Variants in FAM91A1 observed in about 807,000 individuals in gnomAD.
FAM91A1 encodes the protein protein FAM91A1.
Under a neutral mutation model 113.5 loss-of-function variants are expected in FAM91A1, and 41 were observed. That is an observed-to-expected ratio of 0.36 (90% CI 0.28 to 0.47). FAM91A1 has a LOEUF of 0.47. FAM91A1 is among the 20% of genes least tolerant of loss of function. FAM91A1 has a pLI of 1.00. For missense variants in FAM91A1, 696 were observed against 1,001.2 expected (o/e 0.70, Z 4.11); for synonymous variants, 307 against 347.9 (o/e 0.88, Z 1.31).
intron 23 of FAM91A1, chr8:123,810,685 G>T: frequency 6.1e-6 from 2 of 328,890 alleles, no homozygotes; most frequent in Non-Finnish European, 5.5e-6. Context: ...CCACTGCTGG[G>T]ATGGGCTGTC....
At chr8:123,782,524 CATT>C (rs1252258043) in intron 8 of FAM91A1, among the ~76,000 whole-genome samples, 2 of 152,022 alleles carry the variant, frequency 1.3e-5, no homozygotes, top group African/African-American at 4.8e-5. Context: ...AAATTTATTC[CATT>C]ATTCATCAAA....
At chr8:123,773,743 C>T (rs1036563328) in intron 1 of FAM91A1, among the ~76,000 whole-genome samples, 1 of 152,082 alleles carries the variant, frequency 6.6e-6, no homozygotes, top group Admixed American at 6.5e-5. Flanking sequence ...CTTAATATAG[C>T]AGTCAGGAAG....
At chr8:123,787,485 A>G (rs776039400) in intron 13 of FAM91A1, 112 bp downstream of exon 13, 8 of 1,036,348 alleles carry the variant, frequency 7.7e-6, no homozygotes, top group African/African-American at 6.4e-5. Flanking sequence ...CCGAAGCACA[A>G]CTGACTTAGA....
chr8:123,785,997 C>A, intron 11 of FAM91A1: 1 of 439,468 alleles, frequency 2.3e-6, no homozygotes, highest in Non-Finnish European at 4.4e-6. Flanking sequence ...TTTTGTGTTT[C>A]TGTTAGAGGT....
At position 123,785,745 on chromosome 8, in the gene FAM91A1, A is replaced by G; in HGVS notation, c.962+4A>G. On this transcript the variant is annotated splice_donor_region_variant and intron_variant, in intron 11 of 23. Transcript: ENST00000334705. ...TTCCATCCGTAAACAGATTAAAGTA[A>G]CTTAAATTTATTCAGTATGAGCTAT... 1.3e-6 allele frequency: 2 copies of G among 1,545,616 alleles called. No individual in the cohort carries two copies. Among genetic ancestry groups the G allele is most frequent in the Non-Finnish European group, 1.7e-6 (2 of 1,143,536 alleles).
At chr8:123,776,950 A>G (rs895546990) in intron 3 of FAM91A1, among the ~76,000 whole-genome samples, 12 of 152,160 alleles carry the variant, frequency 7.9e-5, no homozygotes, top group African/African-American at 2.9e-4. Context: ...TGAAATGTGG[A>G]GAGGCTGGAA....
chr8:123,778,796 A>G lies in FAM91A1; in HGVS notation c.549+24A>G, dbSNP rs748615277. On this transcript the variant is annotated intron_variant, in intron 6 of 23. Transcript: ENST00000334705. The stretch of plus-strand genomic sequence containing the variant: ...AGGTAGAAATCTTTAAAAGTTAAAC[A>G]TAGAATTTTTATTTTTTAGTTTATT... The G allele has an allele frequency of 5.2e-5, 71 of 1,364,664 alleles. 1 individual carries two copies. The South Asian group carries it at 8.2e-4, about 16-fold the overall frequency. 84.5% of individuals were successfully genotyped at this position (1,364,664 alleles called of 1,614,324 possible). A position where few individuals can be genotyped will look rare whatever the true frequency, so the allele number is the denominator to read the frequency against.
chr8:123,802,068 CT>C (rs1402127342), intron 18 of FAM91A1, among the ~76,000 whole-genome samples: 3 of 152,044 alleles, frequency 2.0e-5, no homozygotes, highest in African/African-American at 7.2e-5. Context: ...AGAAGTTGAC[CT>C]GTAGATTGAT....
At chr8:123,798,864 A>G (rs1815608768) in intron 16 of FAM91A1, among the ~76,000 whole-genome samples, 2 of 152,204 alleles carry the variant, frequency 1.3e-5, no homozygotes, top group Admixed American at 6.5e-5. Flanking sequence ...TAATTTGCCT[A>G]TGTTCTAGCT....
intron 1 of FAM91A1, among the ~76,000 whole-genome samples, chr8:123,770,045 T>C (rs1187823031): frequency 6.6e-6 from 1 of 152,126 alleles, no homozygotes; most frequent in Non-Finnish European, 1.5e-5. Context: ...CTCTGCTTCT[T>C]GGGTTCAAGC....
At chr8:123,785,912 G>A (rs955658551) in intron 11 of FAM91A1, 171 bp downstream of exon 11, 24 of 490,388 alleles carry the variant, frequency 4.9e-5, no homozygotes, top group Non-Finnish European at 8.2e-5. Flanking sequence ...CCACCTCCCC[G>A]TTTCAAGCGA....
chr8:123,774,723 T>C lies in FAM91A1; in HGVS notation c.158-424T>C, dbSNP rs537704127. Among the ~76,000 whole-genome samples the C allele has an allele frequency of 2.5e-4, 38 of 152,302 alleles. 1 individual carries two copies. The South Asian group carries it at 7.7e-3, about 31-fold the overall frequency. On this transcript the variant is annotated intron_variant, in intron 2 of 23. Transcript: ENST00000334705. ...TGACATTGTTTTTCTTCATGAACAT[T>C]TTCCATGAAAGTCAGAGGGCTTTTT...
rs537232453 is a variant in FAM91A1, at chr8:123,788,289, A to T, written c.1278+539A>T. On this transcript the variant is annotated intron_variant, in intron 14 of 23. Coordinates refer to ENST00000334705, the MANE Select transcript of FAM91A1 (RefSeq NM_144963.4). Reference sequence around the variant, plus strand: ...TTTTCCTTAGCTCTAAATAAATCTGATTGCCCTTTATTGGTGTTTTTCATT... The same window carrying T: ...TTTTCCTTAGCTCTAAATAAATCTGTTTGCCCTTTATTGGTGTTTTTCATT... 2.3e-5 allele frequency: 22 copies of T among 939,512 alleles called. No individual in the cohort carries two copies. In the Admixed American group the frequency reaches 4.3e-4, roughly 18 times the overall value. 58.2% of individuals were successfully genotyped at this position (939,512 alleles called of 1,614,324 possible).
At chr8:123,807,027 T>G (rs544611207) in intron 20 of FAM91A1, among the ~76,000 whole-genome samples, 12 of 152,150 alleles carry the variant, frequency 7.9e-5, no homozygotes, top group African/African-American at 2.4e-4. Flanking sequence ...TCTTATCCAT[T>G]GACTCTGGGA....
chr8:123,792,198 A>G (rs1339745897), intron 15 of FAM91A1, among the ~76,000 whole-genome samples: 2 of 152,126 alleles, frequency 1.3e-5, no homozygotes, highest in Non-Finnish European at 2.9e-5. Flanking sequence ...GAAATCCTCT[A>G]GTATTGGTGT....
chr8:123,789,715 C>G lies in FAM91A1; in HGVS notation c.1381C>G (p.Gln461Glu), dbSNP rs80087676. The G allele has an allele frequency of 6.2e-7, 1 of 1,613,362 alleles. No homozygotes were observed. Among genetic ancestry groups the G allele is most frequent in the East Asian group, 2.2e-5 (1 of 44,836 alleles). The change falls in exon 15 of 24, where the codon CAA becomes GAA. Residue 461 changes from glutamine to glutamate, a missense_variant. Physicochemically the swap from Gln to Glu is conservative, Grantham distance 29 (BLOSUM62 2). Transcript: ENST00000334705. ...GCGTCATAACAAAGATCTAGTTGCG[C>G]AAACTGCACAGCCAGACCAACCCAA... is the stretch of plus-strand genomic sequence containing the variant. ...FLRHNKDLVA[Q>E]TAQPDQPNYG... is the part of the protein sequence containing the mutation.
intron 22 of FAM91A1, among the ~76,000 whole-genome samples, 170 bp from the exon 23 acceptor site, chr8:123,810,112 A>C (rs1407833571): frequency 1.3e-5 from 2 of 152,214 alleles, no homozygotes; most frequent in African/African-American, 4.8e-5. Context: ...CCTATTATTA[A>C]AACAAGCAAA....
intron 5 of FAM91A1, among the ~76,000 whole-genome samples, chr8:123,778,354 C>T (rs1221320845): frequency 1.3e-5 from 2 of 152,090 alleles, no homozygotes; most frequent in African/African-American, 4.8e-5. Context: ...TTGTACAGTT[C>T]ACTTAGTGGG....
chr8:123,783,693 A>T (rs1403546816), intron 8 of FAM91A1, among the ~76,000 whole-genome samples: 1 of 152,214 alleles, frequency 6.6e-6, no homozygotes, highest in Non-Finnish European at 1.5e-5. Flanking sequence ...GGGTGAATGT[A>T]CCCACAGGGG....
Sources: gnomAD v4.1 joint callset for allele counts (sites outside exome capture counted in the v4.1 genomes callset) on GRCh38, gnomAD v4.1.1 for gene constraint, MANE v1.5 for transcripts, NCBI Gene and HGNC (gene_info 2026-07-23, HGNC 2026-07-21) for gene names.